The following PDIA6 variants were observed in gnomAD, a reference collection of about 807,000 sequenced individuals.
The protein encoded by PDIA6 is protein disulfide isomerase family A member 6, also known as protein disulfide-isomerase A6.
PDIA6 carries 29 observed loss-of-function variants against 58.4 expected under a neutral mutation model. The observed-to-expected ratio is 0.50, with a 90% CI of 0.37 to 0.68. PDIA6 has a LOEUF of 0.68. Among genes scored for constraint, PDIA6 ranks in the 30% least tolerant of loss-of-function variants. The probability of loss-of-function intolerance (pLI) is 0.00; values close to 1 mark genes in which losing one functional copy is unlikely to be tolerated. For missense variants in PDIA6, 480 were observed against 551.0 expected (o/e 0.87, Z 1.29); for synonymous variants, 192 against 202.6 (o/e 0.95, Z 0.44).
At chr2:10,824,228 C>T (rs190727595) in intron 1 of PDIA6, among the ~76,000 whole-genome samples, 121 of 151,818 alleles carry the variant, frequency 8.0e-4, no homozygotes, top group Non-Finnish European at 5.2e-4. Context: ...GGAGTGTTGA[C>T]TGCTGTTGCT....
chr2:10,787,505 A>G lies in PDIA6; in HGVS notation c.999-66T>C, dbSNP rs969036685. The G allele has an allele frequency of 1.6e-5, 23 of 1,397,028 alleles. No homozygotes were observed. In the South Asian group the frequency reaches 2.7e-4, roughly 17 times the overall value. 86.5% of individuals were successfully genotyped at this position (1,397,028 alleles called of 1,614,324 possible). On this transcript the variant is annotated intron_variant, in intron 10 of 12. Transcript: ENST00000272227. Reference sequence around the variant, plus strand: ...AAATTGCTTACGATCTAACTAGAAGATCTTAGAGAACAAAAGATCACGCTT... The same window carrying G: ...AAATTGCTTACGATCTAACTAGAAGGTCTTAGAGAACAAAAGATCACGCTT...
At chr2:10,817,687 G>A (rs1399376567), upstream of PDIA6, among the ~76,000 whole-genome samples, 3 of 152,212 alleles carry the variant, frequency 2.0e-5, no homozygotes, top group Non-Finnish European at 2.9e-5. Context: ...TGGACTTGGG[G>A]CACCCCAGCT....
In PDIA6 at chr2:10,809,582, G is replaced by C. The variant is rs1394835284; in HGVS notation, c.19+3096C>G. Among the ~76,000 whole-genome samples the C allele has an allele frequency of 3.8e-5, 5 of 131,450 alleles. No homozygotes were observed. In the Admixed American group the frequency reaches 4.7e-4, roughly 12 times the overall value. The allele number at this position is 131,450 out of a possible 152,430, so 86.2% of individuals were successfully genotyped here. The stretch of plus-strand genomic sequence containing the variant: ...ATGGTAGGGTGCATCTGTAGCCGCA[G>C]CTACTCCAGAGGCTGATGTGGGAGG... On this transcript the variant is annotated intron_variant, in intron 1 of 12. Coordinates refer to ENST00000272227, the MANE Select transcript of PDIA6 (RefSeq NM_005742.4).
intron 1 of PDIA6, among the ~76,000 whole-genome samples, chr2:10,806,288 G>A (rs1686431): frequency 0.49 from 71,987 of 148,400 alleles, 18,986 homozygotes; most frequent in Middle Eastern, 0.58. Context: ...GGATCACTGA[G>A]CCCAGGGAGG....
At chr2:10,813,039 G>C (rs1383008841), upstream of PDIA6, among the ~76,000 whole-genome samples, 1 of 152,124 alleles carries the variant, frequency 6.6e-6, no homozygotes, top group African/African-American at 2.4e-5. Flanking sequence ...GGGCCCTCTC[G>C]GGGTGCTGCT....
At chr2:10,823,141 T>C (rs1047870096) in intron 1 of PDIA6, 1 of 152,252 alleles carries the variant, frequency 6.6e-6, no homozygotes, top group Non-Finnish European at 1.5e-5. Context: ...TTTCTTGTGT[T>C]TCAGAGGTTA....
At chr2:10,785,219 C>G (rs1426647196) in intron 11 of PDIA6, 189 bp from the exon 12 acceptor site, 1 of 544,848 alleles carries the variant, frequency 1.8e-6, no homozygotes, top group Non-Finnish European at 3.3e-6. Context: ...AACATTACAA[C>G]CAGATTCAAC....
chr2:10,820,095 T>A (rs1667338411), intron 1 of PDIA6, among the ~76,000 whole-genome samples: 1 of 152,216 alleles, frequency 6.6e-6, no homozygotes, highest in Admixed American at 6.5e-5. Context: ...TCTGGGGTAA[T>A]ACCTGTGGTT....
At chr2:10,815,747 A>G (rs1452895434), upstream of PDIA6, among the ~76,000 whole-genome samples, 1 of 152,030 alleles carries the variant, frequency 6.6e-6, no homozygotes, top group African/African-American at 2.4e-5. Context: ...GTTTCACCAC[A>G]TTGGCCAGGC....
At chr2:10,798,849 AAGTATCT>A (rs1666383341) in intron 2 of PDIA6, among the ~76,000 whole-genome samples, 2 of 152,314 alleles carry the variant, frequency 1.3e-5, no homozygotes, top group African/African-American at 4.8e-5. Context: ...TTTATATATG[AAGTATCT>A]GGCCCAGATC....
At chr2:10,820,810 C>T (rs1199538614) in intron 1 of PDIA6, 5 of 702,908 alleles carry the variant, frequency 7.1e-6, no homozygotes, top group South Asian at 4.4e-5. Context: ...GGGACCTCAA[C>T]TGGGGCCAGT....
intron 1 of PDIA6, among the ~76,000 whole-genome samples, chr2:10,822,470 G>T (rs763806670): frequency 2.6e-5 from 4 of 152,026 alleles, no homozygotes; most frequent in Non-Finnish European, 2.9e-5. Flanking sequence ...CACCCTGTTA[G>T]CCAGGATGGT....
chr2:10,812,922 A>C (rs1667072972), upstream of PDIA6: 11 of 965,890 alleles, frequency 1.1e-5, no homozygotes, highest in Middle Eastern at 4.2e-4. Flanking sequence ...GGCCGGGTAG[A>C]GGTTACCGGT....
Position 10,837,556 on chromosome 2 carries a change from T to C in PDIA6, c.50A>G (p.Glu17Gly), listed in dbSNP as rs745858372. 1.3e-5 allele frequency: 10 copies of C among 752,016 alleles called. No individual in the cohort carries two copies. The South Asian group carries it at 1.5e-4, about 11-fold the overall frequency. The allele number at this position is 752,016 out of a possible 1,614,324, so 46.6% of individuals were successfully genotyped here. The stretch of plus-strand genomic sequence containing the variant: ...CGAGCGCCGTGCAAGTATCATCAAC[T>C]CATTTGATCCTCGGGACACTTTGGA... Residue 17 changes from glutamate (E) to glycine (G), a missense_variant, in exon 1 of 14, where the codon GAG becomes GGG. Physicochemically the swap from Glu to Gly is moderately conservative, Grantham distance 98. Coordinates refer to the PDIA6 transcript ENST00000404824.
intron 8 of PDIA6, among the ~76,000 whole-genome samples, chr2:10,789,350 TATA>T (rs1262938162): frequency 2.3e-5 from 2 of 87,122 alleles, no homozygotes; most frequent in Non-Finnish European, 4.4e-5. Context: ...TTTCCCCATA[TATA>T]AAATGGAGAT....
chr2:10,814,434 G>A (rs528554761), upstream of PDIA6, among the ~76,000 whole-genome samples: 1 of 152,316 alleles, frequency 6.6e-6, no homozygotes, highest in South Asian at 2.1e-4. Context: ...ACCGGTGATC[G>A]CAGGGCTGTT....
At chr2:10,811,071 G>C (rs1666982316) in intron 1 of PDIA6, among the ~76,000 whole-genome samples, 1 of 152,140 alleles carries the variant, frequency 6.6e-6, no homozygotes, top group Non-Finnish European at 1.5e-5. Context: ...TAGAAACCAT[G>C]AGGTTTCCCA....
In PDIA6 at chr2:10,787,345, G is replaced by A. The variant is rs138012463; in HGVS notation, c.1093C>T (p.Arg365Cys). The change falls in exon 11 of 13, where the codon CGC becomes TGC. Residue 365 changes from arginine to cysteine, a missense_variant. Transcript: ENST00000272227. ...GYPAMAAINA[R>C]KMKFALLKGS... is the part of the protein sequence containing the mutation. ...TTTAGCAGAGCAAATTTCATCTTGC[G>A]TGCATTGATGGCGGCCATGGCGGGG... The A allele has an allele frequency of 9.3e-6, 15 of 1,614,014 alleles. No homozygotes were observed. The Admixed American group carries it at 1.0e-4, about 11-fold the overall frequency.
intron 1 of PDIA6, among the ~76,000 whole-genome samples, chr2:10,829,024 C>T (rs1037369765): frequency 1.3e-5 from 2 of 152,230 alleles, no homozygotes; most frequent in African/African-American, 4.8e-5. Flanking sequence ...AGGTCACCCT[C>T]TCTTCTGGGG....
Sources: gnomAD v4.1 joint callset for allele counts (sites outside exome capture counted in the v4.1 genomes callset) on GRCh38, gnomAD v4.1.1 for gene constraint, MANE v1.5 for transcripts, NCBI Gene and HGNC (gene_info 2026-07-23, HGNC 2026-07-21) for gene names.